Variants in KHDRBS2 observed in about 807,000 individuals in gnomAD.
KHDRBS2 encodes KH RNA binding domain containing, signal transduction associated 2, also known as KH domain-containing, RNA-binding, signal transduction-associated protein 2.
In KHDRBS2, 26 loss-of-function variants were observed where a neutral mutation model predicts 44.3. The ratio of observed to expected loss-of-function variants is 0.59; its 90% CI spans 0.43 to 0.81. The LOEUF (loss-of-function observed/expected upper bound fraction) is 0.81, where lower values mean the gene tolerates loss of function less well. Among genes scored for constraint, KHDRBS2 ranks in the 40% least tolerant of loss-of-function variants. The probability of loss-of-function intolerance (pLI) is 0.00; values close to 1 mark genes in which losing one functional copy is unlikely to be tolerated. For missense variants in KHDRBS2, 476 were observed against 433.1 expected (o/e 1.10, Z -0.88); for synonymous variants, 194 against 151.1 (o/e 1.28, Z -2.08).
At chr6:61,772,152 T>C (rs889153769) in intron 6 of KHDRBS2, among the ~76,000 whole-genome samples, 1 of 152,068 alleles carries the variant, frequency 6.6e-6, no homozygotes, top group South Asian at 2.1e-4. Context: ...ATTGAACACA[T>C]TGAACACATT....
chr6:61,934,962 C>G (rs1810764359), intron 4 of KHDRBS2, among the ~76,000 whole-genome samples: 1 of 152,148 alleles, frequency 6.6e-6, no homozygotes, highest in Non-Finnish European at 1.5e-5. Flanking sequence ...ACAACTTTGT[C>G]TGTCTCTCAC....
At chr6:62,280,537 C>A (rs1841653489) in intron 1 of KHDRBS2, among the ~76,000 whole-genome samples, 1 of 152,118 alleles carries the variant, frequency 6.6e-6, no homozygotes, top group South Asian at 2.1e-4. Context: ...TCACTAGGGT[C>A]ATCAGTTTCA....
At chr6:61,983,112 A>G (rs1306638401) in intron 3 of KHDRBS2, among the ~76,000 whole-genome samples, 1 of 152,026 alleles carries the variant, frequency 6.6e-6, no homozygotes, top group African/African-American at 2.4e-5. Flanking sequence ...TTATATAACC[A>G]TAGTTTGGAC....
chr6:62,109,972 A>G (rs1290452534), intron 2 of KHDRBS2, among the ~76,000 whole-genome samples: 1 of 151,962 alleles, frequency 6.6e-6, no homozygotes, highest in Non-Finnish European at 1.5e-5. Context: ...GGTTAGGAAA[A>G]TATTTCTTAG....
chr6:62,188,980 T>C (rs1325326365), intron 1 of KHDRBS2, among the ~76,000 whole-genome samples: 1 of 152,054 alleles, frequency 6.6e-6, no homozygotes, highest in East Asian at 1.9e-4. Context: ...CCACGTGTGG[T>C]GGCATGTGCC....
intron 6 of KHDRBS2, among the ~76,000 whole-genome samples, chr6:61,765,467 ATAAATAAG>A (rs769060849): frequency 6.6e-5 from 10 of 152,268 alleles, no homozygotes; most frequent in African/African-American, 2.4e-4. Flanking sequence ...ACAATAAAAA[ATAAATAAG>A]TAAATAAGTA....
chr6:62,070,617 G>T (rs565529962), intron 2 of KHDRBS2, among the ~76,000 whole-genome samples: 21 of 152,014 alleles, frequency 1.4e-4, no homozygotes, highest in Admixed American at 1.3e-3. Flanking sequence ...GCGACAGTTT[G>T]CTGAGAATGA....
chr6:61,823,767 G>A (rs772209079), intron 6 of KHDRBS2, among the ~76,000 whole-genome samples: 9 of 152,024 alleles, frequency 5.9e-5, no homozygotes, highest in Non-Finnish European at 1.0e-4. Flanking sequence ...CTGAAGTAAA[G>A]GTTGTTCAAA....
intron 2 of KHDRBS2, among the ~76,000 whole-genome samples, chr6:62,077,865 A>G (rs187155935): frequency 1.3e-5 from 2 of 152,190 alleles, no homozygotes; most frequent in Admixed American, 1.3e-4. Flanking sequence ...GAGACTGAGG[A>G]GCAAATAAAT....
chr6:61,605,469 C>T, the KHDRBS2 span, among the ~76,000 whole-genome samples: 2 of 152,188 alleles, frequency 1.3e-5, no homozygotes, highest in Non-Finnish European at 2.9e-5. Flanking sequence ...TCTTTGGGCA[C>T]TCTCTAATTG....
the KHDRBS2 span, among the ~76,000 whole-genome samples, chr6:61,563,240 C>G: frequency 4.6e-5 from 7 of 152,098 alleles, no homozygotes; most frequent in Admixed American, 3.3e-4. Context: ...ACGTTCTCAA[C>G]TACATTTTAT....
the KHDRBS2 span, among the ~76,000 whole-genome samples, chr6:61,649,308 G>A: frequency 6.6e-6 from 1 of 152,228 alleles, no homozygotes; most frequent in African/African-American, 2.4e-5. Context: ...GAAGTTTTGT[G>A]GGATATGCAA....
At chr6:62,096,875 T>C (rs1348143596) in intron 2 of KHDRBS2, among the ~76,000 whole-genome samples, 2 of 151,930 alleles carry the variant, frequency 1.3e-5, no homozygotes, top group Admixed American at 1.3e-4. Flanking sequence ...GGGAAGTTTA[T>C]AACACCTAAG....
intron 6 of KHDRBS2, among the ~76,000 whole-genome samples, chr6:61,860,127 T>TTA (rs1796706788): frequency 6.6e-6 from 1 of 151,908 alleles, no homozygotes; most frequent in Non-Finnish European, 1.5e-5. Context: ...AATCTTAAAA[T>TTA]CCAAAGTAGA....
chr6:62,164,815 G>A (rs190230033), intron 2 of KHDRBS2, among the ~76,000 whole-genome samples: 359 of 151,812 alleles, frequency 2.4e-3, no homozygotes, highest in Admixed American at 3.6e-3. Flanking sequence ...GAAATTTTCC[G>A]CATGCCCTAA....
At position 62,210,075 on chromosome 6, in the gene KHDRBS2, T is replaced by C. The variant is rs548263712; in HGVS notation, c.92-32763A>G. Among the ~76,000 whole-genome samples, 14 of 152,288 alleles carry C rather than the reference T, an allele frequency of 9.2e-5. No individual in the cohort carries two copies. The South Asian group carries it at 2.9e-3, about 32-fold the overall frequency. On this transcript the variant is annotated intron_variant, in intron 1 of 8. Coordinates refer to ENST00000281156, the MANE Select transcript of KHDRBS2 (RefSeq NM_152688.4). ...ATATATACATCTATCCTACTTGTTC[T>C]GTCCCTCTAGAAAACCCTAATACAT... is the stretch of plus-strand genomic sequence containing the variant.
At chr6:61,920,228 G>T (rs1807813366) in intron 4 of KHDRBS2, among the ~76,000 whole-genome samples, 1 of 151,838 alleles carries the variant, frequency 6.6e-6, no homozygotes, top group African/African-American at 2.4e-5. Context: ...CCATTGCCTG[G>T]GTGAGAGACA....
intron 4 of KHDRBS2, among the ~76,000 whole-genome samples, chr6:61,945,591 T>C (rs1813202129): frequency 6.6e-6 from 1 of 152,084 alleles, no homozygotes; most frequent in Admixed American, 6.5e-5. Context: ...TTTTGCAATG[T>C]TTTCTACTCC....
intron 7 of KHDRBS2, among the ~76,000 whole-genome samples, chr6:61,721,140 C>A (rs985662290): frequency 6.6e-6 from 1 of 151,830 alleles, no homozygotes; most frequent in African/African-American, 2.4e-5. Flanking sequence ...TGATCTGTAT[C>A]TCTGTTTTGG....
Sources: gnomAD v4.1 joint callset for allele counts (sites outside exome capture counted in the v4.1 genomes callset) on GRCh38, gnomAD v4.1.1 for gene constraint, MANE v1.5 for transcripts, NCBI Gene and HGNC (gene_info 2026-07-23, HGNC 2026-07-21) for gene names.